The following TMEM181 variants were observed in gnomAD, a reference collection of about 807,000 sequenced individuals.
The protein encoded by TMEM181 is transmembrane protein 181.
A neutral mutation model predicts 71.9 loss-of-function variants in TMEM181; 39 were observed. The observed-to-expected ratio is 0.54, with a 90% CI of 0.42 to 0.71. The LOEUF is 0.71. Ranked by LOEUF, TMEM181 falls within the 30% of genes least tolerant of loss-of-function variation. The pLI, the probability that TMEM181 is intolerant of heterozygous loss-of-function variation, is 0.00. For synonymous variants in TMEM181, 245 were observed against 228.8 expected (o/e 1.07, Z -0.64); for missense variants, 595 against 583.0 (o/e 1.02, Z -0.21).
chr6:158,575,325 C>T (rs1303441071), intron 2 of TMEM181, among the ~76,000 whole-genome samples: 2 of 151,620 alleles, frequency 1.3e-5, no homozygotes, highest in East Asian at 3.9e-4. Flanking sequence ...ACCCAGAAAG[C>T]CTTGTTAGTG....
At chr6:158,610,846 C>T (rs763529657) in intron 10 of TMEM181, 8 of 337,904 alleles carry the variant, frequency 2.4e-5, no homozygotes, top group Non-Finnish European at 4.6e-5. Context: ...ATACTCACAC[C>T]AAGGACTACT....
intron 5 of TMEM181, among the ~76,000 whole-genome samples, chr6:158,587,822 G>A (rs925452081): frequency 6.6e-6 from 1 of 152,068 alleles, no homozygotes; most frequent in East Asian, 1.9e-4. Flanking sequence ...AAACTCGTAA[G>A]TATATGCAGC....
At chr6:158,560,072 C>T (rs1782065321), upstream of TMEM181, 2 of 985,192 alleles carry the variant, frequency 2.0e-6, no homozygotes, top group Non-Finnish European at 2.4e-6. Flanking sequence ...CGCACGTGAT[C>T]TCGGCGTCGC....
intron 10 of TMEM181, among the ~76,000 whole-genome samples, chr6:158,617,594 C>T (rs956607957): frequency 2.0e-5 from 3 of 152,024 alleles, no homozygotes; most frequent in East Asian, 1.9e-4. Context: ...AGATCTTTCC[C>T]GCTTTCTCTT....
At chr6:158,546,605 T>A (rs1445658712) in intron 1 of TMEM181, among the ~76,000 whole-genome samples, 1 of 152,210 alleles carries the variant, frequency 6.6e-6, no homozygotes, top group Non-Finnish European at 1.5e-5. Flanking sequence ...CTCTTGCCAA[T>A]GCCCTGAACT....
chr6:158,563,953 T>C (rs866993648), intron 1 of TMEM181, among the ~76,000 whole-genome samples: 11 of 152,122 alleles, frequency 7.2e-5, no homozygotes, highest in Admixed American at 3.3e-4. Flanking sequence ...AATTTTTGTA[T>C]TTTTAGTAGG....
upstream of TMEM181, among the ~76,000 whole-genome samples, chr6:158,557,674 C>T (rs962025323): frequency 3.3e-5 from 5 of 152,146 alleles, no homozygotes; most frequent in East Asian, 1.9e-4. Context: ...CCCGCCATCA[C>T]GCCCAGCTAA....
At chr6:158,586,265 C>G (rs1052731180) in intron 5 of TMEM181, among the ~76,000 whole-genome samples, 4 of 152,208 alleles carry the variant, frequency 2.6e-5, no homozygotes. Flanking sequence ...GAGTCCACCT[C>G]AGGCACAACA....
intron 7 of TMEM181, among the ~76,000 whole-genome samples, chr6:158,605,907 T>G (rs1031126677): frequency 1.3e-5 from 2 of 152,026 alleles, no homozygotes; most frequent in Admixed American, 6.5e-5. Context: ...TAAGAATTGG[T>G]AAATTGGAGG....
intron 1 of TMEM181, among the ~76,000 whole-genome samples, chr6:158,570,399 ATTT>A (rs536558603): frequency 7.0e-6 from 1 of 142,680 alleles, no homozygotes. Flanking sequence ...AGCCTGGCTA[ATTT>A]TTTTTTTTTT....
intron 4 of TMEM181, 94 bp from the exon 5 acceptor site, chr6:158,585,210 C>A: frequency 7.1e-7 from 1 of 1,401,420 alleles, no homozygotes; most frequent in Non-Finnish European, 9.4e-7. Flanking sequence ...TAAGCGTTTT[C>A]CTGGCTCCAA....
At chr6:158,566,065 A>C (rs1188460960) in intron 1 of TMEM181, among the ~76,000 whole-genome samples, 1 of 152,186 alleles carries the variant, frequency 6.6e-6, no homozygotes, top group Non-Finnish European at 1.5e-5. Context: ...ATTTAGTAGA[A>C]TATCTGAGGT....
intron 1 of TMEM181, among the ~76,000 whole-genome samples, chr6:158,565,236 G>T (rs1009210853): frequency 6.6e-6 from 1 of 152,228 alleles, no homozygotes; most frequent in African/African-American, 2.4e-5. Flanking sequence ...AGTGCTTGCG[G>T]ACTGCTCGCC....
intron 2 of TMEM181, among the ~76,000 whole-genome samples, chr6:158,579,548 C>T (rs1268496834): frequency 6.6e-6 from 1 of 151,620 alleles, no homozygotes; most frequent in African/African-American, 2.4e-5. Flanking sequence ...GATGAAACCC[C>T]ATCTCTACTA....
chr6:158,555,768 A>G (rs1431257592), upstream of TMEM181, among the ~76,000 whole-genome samples: 7 of 152,204 alleles, frequency 4.6e-5, no homozygotes, highest in Non-Finnish European at 8.8e-5. Context: ...GGAGCAAAGG[A>G]AACCCTATAA....
intron 1 of TMEM181, among the ~76,000 whole-genome samples, chr6:158,548,172 C>G (rs927710405): frequency 2.0e-5 from 3 of 152,110 alleles, no homozygotes; most frequent in African/African-American, 7.2e-5. Context: ...TTTCCGAACA[C>G]AGTAGTTTGG....
At chr6:158,626,791 A>G (rs2128329745) in intron 13 of TMEM181, 2 of 456,038 alleles carry the variant, frequency 4.4e-6, no homozygotes, top group South Asian at 1.5e-5. Flanking sequence ...CACCTCACTC[A>G]TGCCTTCACT....
At chr6:158,559,286 T>A (rs1379990720), upstream of TMEM181, among the ~76,000 whole-genome samples, 1 of 152,214 alleles carries the variant, frequency 6.6e-6, no homozygotes, top group Non-Finnish European at 1.5e-5. Context: ...GTAATTTCAC[T>A]GAGGGCAGGA....
intron 10 of TMEM181, among the ~76,000 whole-genome samples, chr6:158,611,982 C>CCA (rs900089077): frequency 1.4e-5 from 2 of 145,680 alleles, no homozygotes; most frequent in Admixed American, 7.2e-5. Flanking sequence ...GGATACCCCC[C>CCA]CCACCTCCTA....
Sources: allele counts gnomAD v4.1 joint callset (sites outside exome capture counted in the v4.1 genomes callset), GRCh38; gene constraint gnomAD v4.1.1; transcripts MANE v1.5; gene names NCBI Gene and HGNC (gene_info 2026-07-23, HGNC 2026-07-21).